CCDC85A: variants seen among roughly 807,000 people sequenced by gnomAD.
CCDC85A encodes coiled-coil domain containing 85A, also known as coiled-coil domain-containing protein 85A.
A neutral mutation model predicts 50.2 loss-of-function variants in CCDC85A; 38 were observed. That is an observed-to-expected ratio of 0.76 (90% CI 0.58 to 0.99). The LOEUF is 0.99. Ranked by LOEUF, CCDC85A falls within the 50% of genes least tolerant of loss-of-function variation. The pLI is 0.00. For synonymous variants in CCDC85A, 366 were observed against 301.4 expected, an observed-to-expected ratio of 1.21 and a Z score of -2.22; for missense variants, 820 against 742.0, an observed-to-expected ratio of 1.11 and a Z score of -1.22.
intron 2 of CCDC85A, among the ~76,000 whole-genome samples, chr2:56,310,937 C>T (rs749507359): frequency 3.3e-5 from 5 of 152,130 alleles, no homozygotes; most frequent in South Asian, 2.1e-4. Flanking sequence ...GAATTCAGAT[C>T]GTCAAGGAAC....
Position 56,288,690 on chromosome 2 carries a change from G to GC in CCDC85A, c.1241-54181dup, listed in dbSNP as rs557827580. ...GGGCCCTGTTGCTTCTTCCCACCAT[G>GC]CCCCCCCCACCCCAAAAATCATCAT... is the stretch of plus-strand genomic sequence containing the variant. On this transcript the variant is annotated intron_variant, in intron 2 of 5. Transcript: ENST00000407595. 1.0e-3 allele frequency among the ~76,000 whole-genome samples: 153 copies of GC among 147,518 alleles called. 1 individual carries two copies. Among genetic ancestry groups the GC allele is most frequent in the African/African-American group, 2.1e-3 (84 of 40,368 alleles).
chr2:56,345,465 C>G (rs901276402), intron 3 of CCDC85A, among the ~76,000 whole-genome samples: 1 of 152,138 alleles, frequency 6.6e-6, no homozygotes, highest in African/African-American at 2.4e-5. Flanking sequence ...TTGAAATATG[C>G]TGTTGGACAT....
intron 3 of CCDC85A, among the ~76,000 whole-genome samples, chr2:56,364,980 C>A (rs976489106): frequency 2.0e-5 from 3 of 152,202 alleles, no homozygotes; most frequent in Non-Finnish European, 4.4e-5. Flanking sequence ...TCTGTTACAT[C>A]TGTGGCTCCA....
intron 2 of CCDC85A, among the ~76,000 whole-genome samples, chr2:56,293,314 T>C (rs1489815870): frequency 6.6e-6 from 1 of 152,130 alleles, no homozygotes; most frequent in Non-Finnish European, 1.5e-5. Flanking sequence ...TTACACCATA[T>C]ACAAAAATTA....
intron 3 of CCDC85A, among the ~76,000 whole-genome samples, chr2:56,345,041 A>G (rs1352434645): frequency 6.6e-6 from 1 of 152,196 alleles, no homozygotes; most frequent in Non-Finnish European, 1.5e-5. Context: ...GTCCTTAACT[A>G]TACTTGATGT....
At chr2:56,381,186 A>C (rs775690527) in intron 5 of CCDC85A, among the ~76,000 whole-genome samples, 15 of 152,080 alleles carry the variant, frequency 9.9e-5, no homozygotes, top group Non-Finnish European at 2.1e-4. Flanking sequence ...TCTGTTTTCA[A>C]AAGGACATCT....
chr2:56,262,988 C>A (rs1385898834), intron 2 of CCDC85A, among the ~76,000 whole-genome samples: 2 of 151,208 alleles, frequency 1.3e-5, no homozygotes, highest in African/African-American at 2.4e-5. Context: ...TTTTTCAAGA[C>A]CACTTAAAGC....
intron 2 of CCDC85A, among the ~76,000 whole-genome samples, chr2:56,291,602 A>G (rs1166284432): frequency 2.0e-5 from 3 of 152,178 alleles, no homozygotes; most frequent in African/African-American, 7.2e-5. Context: ...CAGTAAGTAC[A>G]AAGACCCTAA....
chr2:56,253,046 C>T (rs1051232113), intron 2 of CCDC85A, among the ~76,000 whole-genome samples: 1 of 136,686 alleles, frequency 7.3e-6, no homozygotes, highest in East Asian at 2.2e-4. Context: ...AAATAAATAA[C>T]AAAAAAAGTA....
chr2:56,262,255 C>T (rs1670250138), intron 2 of CCDC85A, among the ~76,000 whole-genome samples: 1 of 151,690 alleles, frequency 6.6e-6, no homozygotes, highest in Admixed American at 6.6e-5. Context: ...GGTAATTATT[C>T]TGAATTTATT....
At chr2:56,317,874 C>T (rs1353282609) in intron 2 of CCDC85A, among the ~76,000 whole-genome samples, 1 of 152,078 alleles carries the variant, frequency 6.6e-6, no homozygotes, top group East Asian at 1.9e-4. Context: ...TGGGGGATTA[C>T]CTATGATCGC....
chr2:56,375,920 G>C lies in CCDC85A; in HGVS notation c.1557G>C (p.Val519=). Residue 519 remains valine (V), a synonymous_variant, in exon 5 of 6, where the codon GTG becomes GTC. Transcript: ENST00000407595. Reference sequence around the variant, plus strand: ...CACCTTCCCAGCAGCCTGAACCTGTGGTACATTCTCTTAAGGTAACCAATC... The same window carrying C: ...CACCTTCCCAGCAGCCTGAACCTGTCGTACATTCTCTTAAGGTAACCAATC... ...HATPSQQPEP[V]VHSLKVVWRK... 6.2e-7 allele frequency: 1 copy of C among 1,613,548 alleles called. No homozygotes were observed. Among genetic ancestry groups the C allele is most frequent in the Non-Finnish European group, 8.5e-7 (1 of 1,179,716 alleles).
At chr2:56,225,561 A>C (rs1212861402) in intron 2 of CCDC85A, among the ~76,000 whole-genome samples, 1 of 152,186 alleles carries the variant, frequency 6.6e-6, no homozygotes, top group Admixed American at 6.6e-5. Flanking sequence ...TTTTGAAATC[A>C]GGAAATATGA....
At chr2:56,346,741 C>G (rs1367578024) in intron 3 of CCDC85A, among the ~76,000 whole-genome samples, 1 of 152,166 alleles carries the variant, frequency 6.6e-6, no homozygotes, top group Non-Finnish European at 1.5e-5. Context: ...TTAAAGGTCA[C>G]CTGGACTTTA....
chr2:56,216,254 A>G (rs1002731944), intron 2 of CCDC85A, among the ~76,000 whole-genome samples: 1 of 151,912 alleles, frequency 6.6e-6, no homozygotes, highest in African/African-American at 2.4e-5. Context: ...TTGCAGGGTC[A>G]TAGCAATGTG....
At chr2:56,288,398 T>A (rs556622376) in intron 2 of CCDC85A, among the ~76,000 whole-genome samples, 1 of 152,266 alleles carries the variant, frequency 6.6e-6, no homozygotes, top group African/African-American at 2.4e-5. Context: ...GAAATCACTG[T>A]CAGTTTTTAA....
chr2:56,288,013 C>T (rs1482122865), intron 2 of CCDC85A, among the ~76,000 whole-genome samples: 1 of 152,068 alleles, frequency 6.6e-6, no homozygotes, highest in South Asian at 2.1e-4. Context: ...TCTTTCCATC[C>T]AGTCCTTCTC....
chr2:56,207,580 G>A (rs904023896), intron 2 of CCDC85A, among the ~76,000 whole-genome samples: 3 of 152,102 alleles, frequency 2.0e-5, no homozygotes, highest in African/African-American at 4.8e-5. Flanking sequence ...GCAATTATAG[G>A]TGTGTTGTGA....
chr2:56,353,344 A>G (rs189501896), intron 3 of CCDC85A, among the ~76,000 whole-genome samples: 29 of 152,336 alleles, frequency 1.9e-4, no homozygotes, highest in African/African-American at 7.0e-4. Flanking sequence ...TAATGAACAT[A>G]AAAGTTCTAG....
Sources: allele counts gnomAD v4.1 joint callset (sites outside exome capture counted in the v4.1 genomes callset), GRCh38; gene constraint gnomAD v4.1.1; transcripts MANE v1.5; gene names NCBI Gene and HGNC (gene_info 2026-07-23, HGNC 2026-07-21).